Variants in ACAD10 observed in about 807,000 individuals in gnomAD.
The protein encoded by ACAD10 is acyl-CoA dehydrogenase family member 10.
Under a neutral mutation model 116.8 loss-of-function variants are expected in ACAD10, and 112 were observed. The ratio of observed to expected loss-of-function variants is 0.96; its 90% CI spans 0.82 to 1.12. ACAD10 has a LOEUF of 1.12. Among genes scored for constraint, ACAD10 ranks in the 50% most tolerant of loss-of-function variants. The probability of loss-of-function intolerance (pLI) is 0.00; values close to 1 mark genes in which losing one functional copy is unlikely to be tolerated. For missense variants in ACAD10, 1,259 were observed against 1,350.2 expected (o/e 0.93, Z 1.06); for synonymous variants, 486 against 510.6 (o/e 0.95, Z 0.65).
At chr12:111,751,704 C>T (rs780219354) in intron 18 of ACAD10, among the ~76,000 whole-genome samples, 17 of 149,834 alleles carry the variant, frequency 1.1e-4, no homozygotes, top group Admixed American at 3.3e-4. Context: ...GCACTCTAGC[C>T]GGAGTGACAA....
chr12:111,722,763 GA>G (rs1277163979), intron 8 of ACAD10, among the ~76,000 whole-genome samples: 1 of 152,206 alleles, frequency 6.6e-6, no homozygotes, highest in Non-Finnish European at 1.5e-5. Flanking sequence ...AGAACAAAAT[GA>G]AAAGTCTCCC....
At chr12:111,739,666 G>A (rs921498849) in intron 12 of ACAD10, among the ~76,000 whole-genome samples, 1 of 152,130 alleles carries the variant, frequency 6.6e-6, no homozygotes, top group Middle Eastern at 3.2e-3. Context: ...GCTGAGATAG[G>A]AGAATTGCTT....
At chr12:111,745,291 G>A (rs1889859992) in intron 13 of ACAD10, 1 of 520,200 alleles carries the variant, frequency 1.9e-6, no homozygotes, top group Admixed American at 3.5e-5. Flanking sequence ...GGAATGCTTG[G>A]CCTTAGAAAG....
chr12:111,723,639 G>C, intron 8 of ACAD10, among the ~76,000 whole-genome samples: 1 of 143,982 alleles, frequency 6.9e-6, no homozygotes, highest in African/African-American at 2.6e-5. Flanking sequence ...TGGCCGGGCG[G>C]GGGGCTGACC....
At position 111,746,265 on chromosome 12, in the gene ACAD10, C is replaced by A. The variant is rs767230315; in HGVS notation, c.2237C>A (p.Thr746Lys). 2 of 1,612,916 alleles carry A rather than the reference C, an allele frequency of 1.2e-6. No homozygotes were observed. The highest frequency in any genetic ancestry group is 2.2e-5 in the East Asian group (1 of 44,844). The part of the protein sequence containing the change: ...EYAHLCELMG[T>K]SLYAPEVCNC... ...GCACATCTGTGTGAGCTCATGGGCA[C>A]GTCCCTGTATGCCCCCGAGGTACCT... Residue 746 changes from threonine (T) to lysine (K), a missense_variant, in exon 14 of 21, where the codon ACG becomes AAG. Thr to Lys is a moderately conservative substitution (Grantham distance 78). Coordinates refer to ENST00000313698, the MANE Select transcript of ACAD10 (RefSeq NM_025247.6).
chr12:111,727,534 AAAAT>A (rs1028855408), intron 8 of ACAD10, among the ~76,000 whole-genome samples: 10 of 152,216 alleles, frequency 6.6e-5, no homozygotes, highest in East Asian at 1.9e-4. Context: ...AAAAAATTAA[AAAAT>A]AAATAAATAA....
intron 7 of ACAD10, among the ~76,000 whole-genome samples, chr12:111,716,258 C>G (rs1174389413): frequency 1.3e-5 from 2 of 151,938 alleles, no homozygotes; most frequent in Non-Finnish European, 2.9e-5. Flanking sequence ...TGTAGTCACA[C>G]CTACTCAGGA....
At chr12:111,688,989 G>A (rs1037208273) in intron 1 of ACAD10, among the ~76,000 whole-genome samples, 4 of 151,894 alleles carry the variant, frequency 2.6e-5, no homozygotes, top group East Asian at 1.9e-4. Flanking sequence ...TCAAGAGATC[G>A]AGACCATTCT....
chr12:111,727,405 T>C (rs1750604637), intron 8 of ACAD10, among the ~76,000 whole-genome samples: 1 of 151,436 alleles, frequency 6.6e-6, no homozygotes, highest in Non-Finnish European at 1.5e-5. Flanking sequence ...GTGCCTGTAG[T>C]CCCAGCTACT....
At chr12:111,743,973 C>CT (rs1391128367) in intron 12 of ACAD10, among the ~76,000 whole-genome samples, 1 of 151,842 alleles carries the variant, frequency 6.6e-6, no homozygotes, top group Non-Finnish European at 1.5e-5. Flanking sequence ...GTCTTGAACT[C>CT]CCGACCTCAA....
At chr12:111,755,613 C>T (rs2068073007) in intron 19 of ACAD10, 55 bp from the exon 20 acceptor site, 9 of 1,413,042 alleles carry the variant, frequency 6.4e-6, no homozygotes, top group Non-Finnish European at 8.0e-6. Flanking sequence ...GGGCCTCACT[C>T]TGCCACCCAG....
At chr12:111,732,712 G>GAGA (rs1447715756) in intron 10 of ACAD10, among the ~76,000 whole-genome samples, 1 of 152,166 alleles carries the variant, frequency 6.6e-6, no homozygotes, top group Admixed American at 6.6e-5. Context: ...TTCAATATAG[G>GAGA]GTTATTTAGT....
chr12:111,709,527 T>C lies in ACAD10; in HGVS notation c.533T>C (p.Ile178Thr). The stretch of plus-strand genomic sequence containing the variant: ...CTCTCATTCCTGTCCCTCCATCAGA[T>C]TGTGGAGTCCTGCATGGAAGGGATC... ...LPLDRKQFDVIVESCMEGICK... is the reference protein window; with the variant it reads ...LPLDRKQFDVTVESCMEGICK... Residue 178 changes from isoleucine (I) to threonine (T), a missense_variant and splice_region_variant, in exon 5 of 21, where the codon ATT becomes ACT. Ile to Thr is a moderately conservative substitution (Grantham distance 89). Coordinates refer to ENST00000313698, the MANE Select transcript of ACAD10 (RefSeq NM_025247.6). The C allele has an allele frequency of 1.9e-6, 3 of 1,571,792 alleles. 1 individual carries two copies. The highest frequency in any genetic ancestry group is 2.4e-5 in the South Asian group (2 of 84,682).
chr12:111,692,834 A>G lies in ACAD10; in HGVS notation c.125A>G (p.Tyr42Cys), dbSNP rs1169572261. The G allele has an allele frequency of 1.2e-6, 2 of 1,614,062 alleles. No individual in the cohort carries two copies. Among genetic ancestry groups the G allele is most frequent in the African/African-American group, 1.3e-5 (1 of 74,938 alleles). Residue 42 changes from tyrosine (Y) to cysteine (C), a missense_variant, in exon 2 of 21, where the codon TAC (tyrosine) becomes TGC (cysteine). Physicochemically the swap from Tyr to Cys is radical, Grantham distance 194. Transcript: ENST00000313698. ...TGGACACACCTTGGAGGCAGCACCT[A>G]CAGAGCGGTGATTTTCGACATGGGC... ...HRWTHLGGST[Y>C]RAVIFDMGGV... is the part of the protein sequence containing the mutation.
intron 3 of ACAD10, among the ~76,000 whole-genome samples, chr12:111,704,451 T>C (rs1459804827): frequency 2.0e-5 from 3 of 151,922 alleles, no homozygotes; most frequent in Non-Finnish European, 4.4e-5. Flanking sequence ...GTTTGCTCTT[T>C]AGAGTAATGA....
intron 17 of ACAD10, chr12:111,748,692 A>C: frequency 4.7e-6 from 3 of 635,482 alleles, no homozygotes; most frequent in Non-Finnish European, 8.0e-6. Flanking sequence ...TCCCTCTTCT[A>C]AACTTAGAAA....
chr12:111,748,734 A>G lies in ACAD10; in HGVS notation c.2644+259A>G, dbSNP rs138971087. ...AGGAGTCTGTGACACAGGAAGCCAT[A>G]CAGGGCAGACGCAGGAAGTGGACCC... On this transcript the variant is annotated intron_variant, in intron 17 of 20. Coordinates refer to ENST00000313698, the MANE Select transcript of ACAD10 (RefSeq NM_025247.6). 26 of 569,640 alleles carry G rather than the reference A, an allele frequency of 4.6e-5. 1 individual carries two copies. Among genetic ancestry groups the G allele is most frequent in the African/African-American group, 3.9e-4 (21 of 53,314 alleles). 35.3% of individuals were successfully genotyped at this position (569,640 alleles called of 1,614,324 possible). A position where few individuals can be genotyped will look rare whatever the true frequency, so the allele number is the denominator to read the frequency against.
chr12:111,754,933 C>T (rs944563727), intron 19 of ACAD10, among the ~76,000 whole-genome samples: 2 of 152,224 alleles, frequency 1.3e-5, no homozygotes, highest in Non-Finnish European at 2.9e-5. Context: ...CAACATGGCG[C>T]CCTTCATCCC....
chr12:111,735,417 C>G (rs935799713), intron 11 of ACAD10, among the ~76,000 whole-genome samples: 8 of 151,856 alleles, frequency 5.3e-5, no homozygotes, highest in Non-Finnish European at 1.0e-4. Context: ...ATATTACATG[C>G]TTCTAAATCA....
Sources: gnomAD v4.1 joint callset for allele counts (sites outside exome capture counted in the v4.1 genomes callset) on GRCh38, gnomAD v4.1.1 for gene constraint, MANE v1.5 for transcripts, NCBI Gene and HGNC (gene_info 2026-07-23, HGNC 2026-07-21) for gene names.